Variants in DNAH5 observed in about 807,000 individuals in gnomAD.
The protein encoded by DNAH5 is dynein axonemal heavy chain 5.
DNAH5 carries 372 observed loss-of-function variants against 518.2 expected under a neutral mutation model. The ratio of observed to expected loss-of-function variants is 0.72; its 90% CI spans 0.66 to 0.78. DNAH5 has a LOEUF of 0.78. DNAH5 is among the 30% of genes least tolerant of loss of function. DNAH5 has a pLI of 0.00. For missense variants in DNAH5, 5,523 were observed against 5,687.0 expected, an observed-to-expected ratio of 0.97 and a Z score of 0.93; for synonymous variants, 2,039 against 2,025.9, an observed-to-expected ratio of 1.01 and a Z score of -0.17.
At chr5:13,701,174 A>G (rs544446686) in intron 77 of DNAH5, 110 bp downstream of exon 77, 890 of 1,490,614 alleles carry the variant, frequency 6.0e-4, no homozygotes, top group Non-Finnish European at 7.1e-4. Context: ...TGCTAGTACC[A>G]AAAAGAGACA....
intron 55 of DNAH5, among the ~76,000 whole-genome samples, chr5:13,774,916 A>G (rs993746041): frequency 3.3e-5 from 5 of 152,202 alleles, no homozygotes; most frequent in South Asian, 2.1e-4. Flanking sequence ...TGTTATTTCC[A>G]TTGTTAATAC....
At position 13,870,976 on chromosome 5, in the gene DNAH5, C is replaced by T; in HGVS notation, c.3625G>A (p.Glu1209Lys). The T allele has an allele frequency of 6.2e-7, 1 of 1,613,606 alleles. No homozygotes were observed. The highest frequency in any genetic ancestry group is 8.5e-7 in the Non-Finnish European group (1 of 1,179,764). The part of the protein sequence containing the change: ...TADLKFALTA[E>K]TKAWMVVIGR... ...ATGACAACCATCCAGGCCTTTGTCT[C>T]AGCAGTCAGGGCGAACTTCAAGTCA... The change falls in exon 24 of 79, where the codon GAG (glutamate) becomes AAG (lysine). Residue 1209 changes from glutamate to lysine, a missense_variant. Physicochemically the swap from Glu to Lys is moderately conservative, Grantham distance 56 (BLOSUM62 1). Coordinates refer to ENST00000265104, the MANE Select transcript of DNAH5 (RefSeq NM_001369.3).
At chr5:13,879,844 T>C (rs1156671620) in intron 21 of DNAH5, among the ~76,000 whole-genome samples, 4 of 150,706 alleles carry the variant, frequency 2.7e-5, no homozygotes, top group Admixed American at 1.3e-4. Flanking sequence ...AACTTATGCA[T>C]TATTGGCTTG....
At chr5:13,762,000 G>C (rs934825817) in intron 60 of DNAH5, among the ~76,000 whole-genome samples, 1 of 152,170 alleles carries the variant, frequency 6.6e-6, no homozygotes, top group African/African-American at 2.4e-5. Flanking sequence ...TGATGATTAA[G>C]AGAGATGAGA....
rs917055972 is a variant in DNAH5 at position 13,690,686 on chromosome 5, A to T, written c.*1298T>A. The T allele has an allele frequency of 3.9e-5, 6 of 152,362 alleles. No individual in the cohort carries two copies. The South Asian group carries it at 8.3e-4, about 21-fold the overall frequency. 9.4% of individuals were successfully genotyped at this position (152,362 alleles called of 1,614,324 possible). A position where few individuals can be genotyped will look rare whatever the true frequency, so the allele number is the denominator to read the frequency against. ...AGTTTATAAACCACAATTCTAATTT[A>T]GTACTGACTATATTTTCTAGTCAGT... On this transcript the variant is annotated 3_prime_UTR_variant, in exon 79 of 79. Transcript: ENST00000265104.
intron 34 of DNAH5, 48 bp downstream of exon 34, chr5:13,840,858 C>G: frequency 6.8e-7 from 1 of 1,480,502 alleles, no homozygotes; most frequent in Non-Finnish European, 9.4e-7. Context: ...CAGATAGTGT[C>G]TAGAATTTGT....
rs891146458 is a variant in DNAH5, at chr5:13,701,371, A to G, written c.13404T>C (p.Phe4468=). The G allele has an allele frequency of 1.9e-6, 3 of 1,613,998 alleles. No individual in the cohort carries two copies. Among genetic ancestry groups the G allele is most frequent in the Middle Eastern group, 3.3e-4 (2 of 6,084 alleles). The change falls in exon 77 of 79, where the codon TTT becomes TTC. Residue 4468 remains phenylalanine, a synonymous_variant. Coordinates refer to ENST00000265104, the MANE Select transcript of DNAH5 (RefSeq NM_001369.3). ...GTCGGCCATTGAAAACCCACGAGGT[A>G]AACTGGCTGTTTCTTTCTATAAGTT... ...FTELIERNSQ[F]TSWVFNGRPH...
rs772595583 is a variant in DNAH5 at position 13,829,526 on chromosome 5, T to C, written c.6428A>G (p.Glu2143Gly). 5.6e-6 allele frequency: 9 copies of C among 1,614,040 alleles called. No homozygotes were observed. In the South Asian group the frequency reaches 6.6e-5, roughly 12 times the overall value. Residue 2143 changes from glutamate to glycine, a missense_variant, in exon 38 of 79, where the codon GAG (glutamate) becomes GGG (glycine). By Grantham distance (98) the Glu-to-Gly change is moderately conservative. Transcript: ENST00000265104. ...KFFTLYKLCE[E>G]QLSKQVHYDF... ...ATGACACACCTGCTTAGAAAGCTGC[T>C]CCTCACACAGTTTGTAGAGCGTGAA...
intron 59 of DNAH5, among the ~76,000 whole-genome samples, chr5:13,764,160 A>G (rs1303587317): frequency 6.6e-6 from 1 of 152,230 alleles, no homozygotes; most frequent in Non-Finnish European, 1.5e-5. Context: ...AGAAAAGACA[A>G]TAAAGCTTCC....
chr5:13,776,336 G>T, intron 55 of DNAH5, 103 bp downstream of exon 55: 1 of 1,468,096 alleles, frequency 6.8e-7, no homozygotes, highest in Non-Finnish European at 9.5e-7. Context: ...ACATCCTGGA[G>T]CCTGCCTGGA....
chr5:13,699,883 A>G (rs555732951), intron 78 of DNAH5, among the ~76,000 whole-genome samples: 2 of 152,318 alleles, frequency 1.3e-5, no homozygotes, highest in African/African-American at 4.8e-5. Flanking sequence ...TCGTGTGCTG[A>G]AATGTGGTTA....
chr5:13,749,500 A>C (rs1262066521), intron 65 of DNAH5, among the ~76,000 whole-genome samples: 1 of 152,168 alleles, frequency 6.6e-6, no homozygotes. Context: ...ATTAAGGCCC[A>C]GTGATGGGCT....
chr5:13,937,111 A>G (rs182521004), intron 1 of DNAH5, among the ~76,000 whole-genome samples: 61 of 152,044 alleles, frequency 4.0e-4, no homozygotes, highest in Non-Finnish European at 8.1e-4. Context: ...AAAGCACACA[A>G]CTAAGAAAGT....
intron 68 of DNAH5, among the ~76,000 whole-genome samples, chr5:13,731,714 T>C (rs764083610): frequency 2.2e-4 from 34 of 152,218 alleles, no homozygotes; most frequent in Non-Finnish European, 3.8e-4. Context: ...AAATGATACA[T>C]GCTTATAATG....
intron 65 of DNAH5, among the ~76,000 whole-genome samples, chr5:13,740,058 A>C (rs1338390328): frequency 6.6e-6 from 1 of 152,120 alleles, no homozygotes; most frequent in Non-Finnish European, 1.5e-5. Flanking sequence ...AGCAAATGGC[A>C]ACACTATTCT....
chr5:13,917,998 G>A (rs1213719893), intron 7 of DNAH5, among the ~76,000 whole-genome samples: 3 of 152,204 alleles, frequency 2.0e-5, no homozygotes, highest in Admixed American at 6.5e-5. Flanking sequence ...CCTCTATGAC[G>A]GTCCCCAGTG....
upstream of DNAH5, among the ~76,000 whole-genome samples, chr5:13,946,488 C>T (rs1266718599): frequency 2.6e-5 from 4 of 152,200 alleles, no homozygotes; most frequent in African/African-American, 7.2e-5. Flanking sequence ...CAACAGGCCA[C>T]CTACCCCCGC....
rs780756921 is a variant in DNAH5 at position 13,871,662 on chromosome 5, G to T, written c.3500C>A (p.Ser1167Tyr). ...ATAGAGAATCTGGGACTCAAATTCA[G>T]AAAGCAAGGGGCTCTGTGTAATAAA... ...KTFITQSPLL[S>Y]EFESQILYFQ... is the part of the protein sequence containing the mutation. Residue 1167 changes from serine (S) to tyrosine (Y), a missense_variant, in exon 23 of 79, where the codon TCT becomes TAT. This residue lies in a region of DNAH5 where 5,121 missense variants were observed against 5,223.3 expected (regional missense o/e 0.98). Coordinates refer to ENST00000265104, the MANE Select transcript of DNAH5 (RefSeq NM_001369.3). 1.9e-6 allele frequency: 3 copies of T among 1,613,788 alleles called. No homozygotes were observed. The highest frequency in any genetic ancestry group is 2.5e-6 in the Non-Finnish European group (3 of 1,179,776).
intron 31 of DNAH5, among the ~76,000 whole-genome samples, chr5:13,847,200 G>C (rs1054307271): frequency 2.0e-5 from 3 of 152,104 alleles, no homozygotes; most frequent in Admixed American, 6.5e-5. Flanking sequence ...CGACAGCTTG[G>C]GAGGGTGTTG....
Sources: gnomAD v4.1 joint callset for allele counts (sites outside exome capture counted in the v4.1 genomes callset) on GRCh38, gnomAD v4.1.1 for gene constraint, gnomAD v4.1.1 regional missense constraint, MANE v1.5 for transcripts, NCBI Gene and HGNC (gene_info 2026-07-23, HGNC 2026-07-21) for gene names.